The following UBE3A variants were observed in gnomAD, a reference collection of about 807,000 sequenced individuals.
UBE3A encodes the protein ubiquitin-protein ligase E3A.
UBE3A carries 6 observed loss-of-function variants against 83.4 expected under a neutral mutation model. The observed-to-expected ratio is 0.07, with a 90% CI of 0.04 to 0.14. The LOEUF (loss-of-function observed/expected upper bound fraction) is 0.14, where lower values mean the gene tolerates loss of function less well. Among genes scored for constraint, UBE3A ranks in the 10% least tolerant of loss-of-function variants. UBE3A has a pLI of 1.00. For missense variants in UBE3A, 456 were observed against 1,036.1 expected, an observed-to-expected ratio of 0.44 and a Z score of 7.69; for synonymous variants, 337 against 355.4, an observed-to-expected ratio of 0.95 and a Z score of 0.58.
In UBE3A at chr15:25,348,099, C is replaced by A. The variant is rs922372853; in HGVS notation, c.2354+6254G>T. ...ATTCAGAGCAAAGAAAATCGCAAAA[C>A]AGAAAAAACTTATATAATGATAAAG... is the stretch of plus-strand genomic sequence containing the variant. On this transcript the variant is annotated intron_variant, in intron 11 of 12. Coordinates refer to ENST00000648336, the MANE Select transcript of UBE3A (RefSeq NM_130839.5). Among the ~76,000 whole-genome samples the A allele has an allele frequency of 3.3e-5, 5 of 151,332 alleles. 1 individual carries two copies. Among genetic ancestry groups the A allele is most frequent in the Admixed American group, 6.6e-5 (1 of 15,224 alleles).
At chr15:25,436,132 T>C (rs1424720992) in intron 1 of UBE3A, among the ~76,000 whole-genome samples, 1 of 152,198 alleles carries the variant, frequency 6.6e-6, no homozygotes, top group Non-Finnish European at 1.5e-5. Flanking sequence ...TACTACATTT[T>C]ATCCTTACAT....
rs141370451 is a variant in UBE3A at position 25,397,929 on chromosome 15, G to A, written c.62+7532C>T. ...CCTCATTTCAGCAAATCACTCCCTTGTCTTTGTTAGACATACTAAAACCTC... is the reference window on the plus strand; with the variant it reads ...CCTCATTTCAGCAAATCACTCCCTTATCTTTGTTAGACATACTAAAACCTC... On this transcript the variant is annotated intron_variant, in intron 4 of 12. Coordinates refer to ENST00000648336, the MANE Select transcript of UBE3A (RefSeq NM_130839.5). 5.3e-5 allele frequency among the ~76,000 whole-genome samples: 8 copies of A among 152,020 alleles called. No individual in the cohort carries two copies. The East Asian group carries it at 1.5e-3, about 29-fold the overall frequency.
At chr15:25,342,404 C>CTT (rs560257408) in intron 11 of UBE3A, among the ~76,000 whole-genome samples, 89 of 152,138 alleles carry the variant, frequency 5.8e-4, no homozygotes, top group African/African-American at 2.1e-3. Flanking sequence ...TTTCTTTGGA[C>CTT]TTTTAAACGA....
intron 5 of UBE3A, among the ~76,000 whole-genome samples, chr15:25,373,170 C>A (rs2080587871): frequency 6.6e-6 from 1 of 152,156 alleles, no homozygotes; most frequent in South Asian, 2.1e-4. Flanking sequence ...AAACCTATTT[C>A]TCATTATTTT....
At chr15:25,364,446 T>C (rs1242079503) in intron 6 of UBE3A, among the ~76,000 whole-genome samples, 1 of 152,174 alleles carries the variant, frequency 6.6e-6, no homozygotes, top group Non-Finnish European at 1.5e-5. Context: ...ATAATAGCTA[T>C]ATTATTTAAA....
At chr15:25,397,433 A>G (rs1366466515) in intron 4 of UBE3A, among the ~76,000 whole-genome samples, 1 of 152,124 alleles carries the variant, frequency 6.6e-6, no homozygotes, top group African/African-American at 2.4e-5. Context: ...AACTTGACTC[A>G]TCCTCCTAAC....
chr15:25,434,969 T>TATACACACACAC (rs1167502949), intron 1 of UBE3A, among the ~76,000 whole-genome samples: 3 of 142,886 alleles, frequency 2.1e-5, no homozygotes, highest in Admixed American at 7.0e-5. Context: ...TCTATATACA[T>TATACACACACAC]ACACACACAC....
chr15:25,395,234 A>G (rs1320076228), intron 4 of UBE3A, among the ~76,000 whole-genome samples: 3 of 152,190 alleles, frequency 2.0e-5, no homozygotes, highest in Non-Finnish European at 4.4e-5. Flanking sequence ...AGGGCCATGT[A>G]AATCTCCAGA....
At chr15:25,390,230 A>C (rs1057108376) in intron 4 of UBE3A, among the ~76,000 whole-genome samples, 1 of 152,244 alleles carries the variant, frequency 6.6e-6, no homozygotes, top group African/African-American at 2.4e-5. Flanking sequence ...ATTAGAAGAC[A>C]GTTTGGATGT....
intron 4 of UBE3A, among the ~76,000 whole-genome samples, chr15:25,380,785 T>C (rs1025948193): frequency 6.6e-6 from 1 of 152,244 alleles, no homozygotes; most frequent in Non-Finnish European, 1.5e-5. Flanking sequence ...TATAATGTGT[T>C]GATTTTTAAA....
chr15:25,381,047 G>C (rs536410149), intron 4 of UBE3A, among the ~76,000 whole-genome samples: 2 of 152,318 alleles, frequency 1.3e-5, no homozygotes, highest in East Asian at 1.9e-4. Flanking sequence ...GTTTCACCTA[G>C]AGGGATGTGT....
intron 1 of UBE3A, chr15:25,418,924 C>G (rs1214915703): frequency 6.6e-6 from 1 of 152,140 alleles, no homozygotes; most frequent in African/African-American, 2.4e-5. Flanking sequence ...TCCAAGGATG[C>G]TTCGAATCCC....
At position 25,364,645 on chromosome 15, in the gene UBE3A, GT is replaced by G. The variant is rs759514427; in HGVS notation, c.1609-4119del. Among the ~76,000 whole-genome samples the G allele has an allele frequency of 1.8e-3, 171 of 97,634 alleles. No homozygotes were observed. The East Asian group carries it at 0.036, about 20-fold the overall frequency. 64.1% of individuals were successfully genotyped at this position (97,634 alleles called of 152,430 possible). A position where few individuals can be genotyped will look rare whatever the true frequency, so the allele number is the denominator to read the frequency against. On this transcript the variant is annotated intron_variant, in intron 6 of 12. Coordinates refer to ENST00000648336, the MANE Select transcript of UBE3A (RefSeq NM_130839.5). ...TGGATTTTTAGGGTTTTTTTTGTTT[GT>G]TTTTTTTTTTTTTTTGAGACGGAGT...
rs949854720 is a variant in UBE3A, at chr15:25,338,964, T to A, written c.*173A>T. On this transcript the variant is annotated 3_prime_UTR_variant, in exon 13 of 13. Transcript: ENST00000648336. ...GCTGTTCCAGCCCACATGTCCCCAATAAAGAAGGGAGGCACAGACATAGGT... is the reference window on the plus strand; with the variant it reads ...GCTGTTCCAGCCCACATGTCCCCAAAAAAGAAGGGAGGCACAGACATAGGT... The A allele has an allele frequency of 1.9e-6, 1 of 529,642 alleles. No homozygotes were observed. Among genetic ancestry groups the A allele is most frequent in the Non-Finnish European group, 3.0e-6 (1 of 334,220 alleles). 32.8% of individuals were successfully genotyped at this position (529,642 alleles called of 1,614,324 possible). A position where few individuals can be genotyped will look rare whatever the true frequency, so the allele number is the denominator to read the frequency against.
intron 6 of UBE3A, among the ~76,000 whole-genome samples, chr15:25,367,892 A>G (rs2079583533): frequency 6.6e-6 from 1 of 152,122 alleles, no homozygotes; most frequent in Admixed American, 6.5e-5. Context: ...CAGAAAACAT[A>G]CAAGAGTCTC....
chr15:25,427,685 G>A (rs1484671218), intron 1 of UBE3A, among the ~76,000 whole-genome samples: 2 of 149,300 alleles, frequency 1.3e-5, no homozygotes, highest in African/African-American at 4.9e-5. Context: ...CAGCTACTTG[G>A]GAGGCTGAGG....
At chr15:25,366,670 C>A (rs1178227399) in intron 6 of UBE3A, among the ~76,000 whole-genome samples, 2 of 152,124 alleles carry the variant, frequency 1.3e-5, no homozygotes, top group Non-Finnish European at 2.9e-5. Context: ...AGCTTGCTGT[C>A]CCCATGATCC....
At chr15:25,418,244 CCA>C (rs1367480635) in intron 1 of UBE3A, 1 of 152,042 alleles carries the variant, frequency 6.6e-6, no homozygotes, top group Non-Finnish European at 1.5e-5. Context: ...GACTGTATAA[CCA>C]GACTTCTCAT....
intron 4 of UBE3A, among the ~76,000 whole-genome samples, chr15:25,389,910 CA>C (rs768459802): frequency 6.6e-6 from 1 of 150,398 alleles, no homozygotes; most frequent in African/African-American, 2.4e-5. Flanking sequence ...GACAGACAGA[CA>C]AGACAGACAG....
Sources: gnomAD v4.1 joint callset for allele counts (sites outside exome capture counted in the v4.1 genomes callset) on GRCh38, gnomAD v4.1.1 for gene constraint, MANE v1.5 for transcripts, NCBI Gene and HGNC (gene_info 2026-07-23, HGNC 2026-07-21) for gene names.